Variants in LANCL2 observed in about 807,000 individuals in gnomAD.
The protein encoded by LANCL2 is LanC like glutathione S-transferase 2.
Under a neutral mutation model 56.9 loss-of-function variants are expected in LANCL2, and 33 were observed. The ratio of observed to expected loss-of-function variants is 0.58; its 90% CI spans 0.44 to 0.78. LANCL2 has a LOEUF of 0.78. LANCL2 is among the 30% of genes least tolerant of loss of function. The probability of loss-of-function intolerance (pLI) is 0.00; values close to 1 mark genes in which losing one functional copy is unlikely to be tolerated. For synonymous variants in LANCL2, 233 were observed against 228.2 expected (o/e 1.02, Z -0.19); for missense variants, 562 against 580.2 (o/e 0.97, Z 0.32).
rs73130073 is a variant in LANCL2, at chr7:55,431,913, C to T, written c.*593C>T. On this transcript the variant is annotated 3_prime_UTR_variant, in exon 9 of 9. Coordinates refer to ENST00000254770, the MANE Select transcript of LANCL2 (RefSeq NM_018697.4). ...GAACGCTTCCCGTTTGGATTTTACA[C>T]TCACCTTCGTGTTTTAAAGAAGCCT... 7,561 of 152,386 alleles carry T rather than the reference C, an allele frequency of 0.05. 275 individuals are homozygous for T. The highest frequency in any genetic ancestry group is 0.078 in the Middle Eastern group (23 of 294). The allele number at this position is 152,386 out of a possible 1,614,324, so 9.4% of individuals were successfully genotyped here. A position where few individuals can be genotyped will look rare whatever the true frequency, so the allele number is the denominator to read the frequency against.
At chr7:55,385,740 A>G (rs1018487619) in intron 1 of LANCL2, among the ~76,000 whole-genome samples, 1 of 152,212 alleles carries the variant, frequency 6.6e-6, no homozygotes, top group African/African-American at 2.4e-5. Flanking sequence ...ATAACATCTT[A>G]TCAGGAGACA....
intron 1 of LANCL2, among the ~76,000 whole-genome samples, chr7:55,384,799 C>CT (rs997667742): frequency 6.6e-6 from 1 of 152,092 alleles, no homozygotes; most frequent in African/African-American, 2.4e-5. Flanking sequence ...ATCCAGAATT[C>CT]TTTTTTCAGT....
chr7:55,403,609 T>G (rs1490231711), intron 5 of LANCL2, among the ~76,000 whole-genome samples: 2 of 139,326 alleles, frequency 1.4e-5, no homozygotes, highest in African/African-American at 2.7e-5. Context: ...TCTCACTCTG[T>G]CGCCCAGGCT....
At chr7:55,422,388 A>G (rs949690464) in intron 6 of LANCL2, among the ~76,000 whole-genome samples, 7 of 152,052 alleles carry the variant, frequency 4.6e-5, no homozygotes, top group African/African-American at 1.2e-4. Context: ...TCTTTGCACT[A>G]TTCTCTTGTA....
intron 3 of LANCL2, 89 bp downstream of exon 3, chr7:55,398,719 A>G (rs1790285278): frequency 1.0e-6 from 1 of 1,004,598 alleles, no homozygotes; most frequent in African/African-American, 1.6e-5. Context: ...CTATTTTTCC[A>G]TTCATCCATT....
chr7:55,406,260 C>CT (rs1273347657), intron 5 of LANCL2, among the ~76,000 whole-genome samples: 33 of 152,314 alleles, frequency 2.2e-4, no homozygotes, highest in African/African-American at 7.9e-4. Flanking sequence ...TTTCCACCCT[C>CT]TGAGTCAAAA....
intron 1 of LANCL2, among the ~76,000 whole-genome samples, chr7:55,373,555 T>G (rs1435573622): frequency 6.6e-6 from 1 of 152,084 alleles, no homozygotes; most frequent in Non-Finnish European, 1.5e-5. Flanking sequence ...CTGCCTCAGC[T>G]TCCCAAAGTG....
intron 6 of LANCL2, among the ~76,000 whole-genome samples, chr7:55,424,466 A>G (rs1463940696): frequency 6.6e-6 from 1 of 152,156 alleles, no homozygotes; most frequent in Non-Finnish European, 1.5e-5. Flanking sequence ...AGTGTATTGG[A>G]TACTCTTGCC....
rs1032225986 is a variant in LANCL2, at chr7:55,366,210, C to G, written c.185C>G (p.Pro62Arg). The change falls in exon 1 of 9, where the codon CCT becomes CGT. Residue 62 changes from proline (P) to arginine (R), a missense_variant. By Grantham distance (103) the Pro-to-Arg change is moderately radical (BLOSUM62 -2). Around this residue, in one of 2 missense-constraint regions of LANCL2, gnomAD observed 184 missense variants for 111.8 expected, o/e 1.65. Coordinates refer to ENST00000254770, the MANE Select transcript of LANCL2 (RefSeq NM_018697.4). ...PPATTDEPGL[P>R]FHQDGKIIHN... The stretch of plus-strand genomic sequence containing the variant: ...GCGACCACGGATGAGCCCGGCCTCC[C>G]TTTTCATCAGGACGGGAAGGTGAGT... 1 of 1,540,344 alleles carries G rather than the reference C, an allele frequency of 6.5e-7. No individual in the cohort carries two copies. The highest frequency in any genetic ancestry group is 8.8e-7 in the Non-Finnish European group (1 of 1,139,790).
chr7:55,386,082 T>C (rs1342803321), intron 1 of LANCL2, among the ~76,000 whole-genome samples: 2 of 152,250 alleles, frequency 1.3e-5, no homozygotes, highest in African/African-American at 4.8e-5. Flanking sequence ...GCTGTTATCC[T>C]GTTCTTTTTT....
chr7:55,381,204 G>A (rs1178462714), intron 1 of LANCL2, among the ~76,000 whole-genome samples: 3 of 152,168 alleles, frequency 2.0e-5, no homozygotes, highest in Admixed American at 6.5e-5. Flanking sequence ...ATGTTATAGT[G>A]CATTCCCTGT....
intron 6 of LANCL2, among the ~76,000 whole-genome samples, chr7:55,418,184 C>CA (rs1397599843): frequency 5.0e-5 from 3 of 60,120 alleles, no homozygotes; most frequent in South Asian, 9.8e-4. Context: ...AATACAATTG[C>CA]GTTTTTTTTT....
intron 1 of LANCL2, among the ~76,000 whole-genome samples, chr7:55,375,664 A>C (rs988522257): frequency 1.3e-5 from 2 of 152,266 alleles, no homozygotes; most frequent in African/African-American, 4.8e-5. Flanking sequence ...AAATGAAGTC[A>C]GAAGTCCAGG....
At chr7:55,416,927 C>G (rs12534847) in intron 6 of LANCL2, among the ~76,000 whole-genome samples, 50,030 of 146,914 alleles carry the variant, frequency 0.34, 9,018 homozygotes, top group East Asian at 0.53. Context: ...TGATTTATCT[C>G]AAATTAAGTT....
At chr7:55,400,547 T>G (rs965371377) in intron 4 of LANCL2, among the ~76,000 whole-genome samples, 3 of 152,220 alleles carry the variant, frequency 2.0e-5, no homozygotes, top group African/African-American at 7.2e-5. Flanking sequence ...TGTTAGGGAC[T>G]CAGTCTCCAA....
At chr7:55,380,234 G>A (rs1394493001) in intron 1 of LANCL2, among the ~76,000 whole-genome samples, 2 of 152,256 alleles carry the variant, frequency 1.3e-5, no homozygotes, top group Middle Eastern at 3.4e-3. Flanking sequence ...AAAAATATAT[G>A]CCTGTAAATA....
chr7:55,417,927 G>A (rs7790380), intron 6 of LANCL2, among the ~76,000 whole-genome samples: 97,065 of 151,850 alleles, frequency 0.64, 31,482 homozygotes, highest in Admixed American at 0.71. Flanking sequence ...TGATCTGCCC[G>A]CCTTGGCCTC....
intron 1 of LANCL2, among the ~76,000 whole-genome samples, chr7:55,373,208 T>G (rs1400489633): frequency 9.4e-6 from 1 of 105,828 alleles, no homozygotes; most frequent in African/African-American, 3.4e-5. Context: ...CCACTTAACT[T>G]TACTGCTTTC....
chr7:55,421,707 A>AAT (rs1453316238), intron 6 of LANCL2, among the ~76,000 whole-genome samples: 1 of 152,006 alleles, frequency 6.6e-6, no homozygotes, highest in Non-Finnish European at 1.5e-5. Flanking sequence ...TAGGGGTTGC[A>AAT]ATATATATGC....
Sources: gnomAD v4.1 joint callset for allele counts (sites outside exome capture counted in the v4.1 genomes callset) on GRCh38, gnomAD v4.1.1 for gene constraint, gnomAD v4.1.1 regional missense constraint, MANE v1.5 for transcripts, NCBI Gene and HGNC (gene_info 2026-07-23, HGNC 2026-07-21) for gene names.